Variants in SGSM1 observed in about 807,000 individuals in gnomAD.
The protein encoded by SGSM1 is RUN and TBC1 domain containing 2.
A neutral mutation model predicts 133.8 loss-of-function variants in SGSM1; 73 were observed. That is an observed-to-expected ratio of 0.55 (90% confidence interval 0.45 to 0.66). The LOEUF (loss-of-function observed/expected upper bound fraction) is 0.66, where lower values mean the gene tolerates loss of function less well. Among genes scored for constraint, SGSM1 ranks in the 30% least tolerant of loss-of-function variants. The probability of loss-of-function intolerance (pLI) is 0.00; values close to 1 mark genes in which losing one functional copy is unlikely to be tolerated. For synonymous variants in SGSM1, 563 were observed against 573.0 expected (o/e 0.98, Z 0.25); for missense variants, 1,213 against 1,448.1 (o/e 0.84, Z 2.64).
At chr22:24,923,935 T>C (rs1934101337) in intron 24 of SGSM1, among the ~76,000 whole-genome samples, 1 of 152,156 alleles carries the variant, frequency 6.6e-6, no homozygotes, top group African/African-American at 2.4e-5. Flanking sequence ...CTCACCTTTT[T>C]ATGGCACATC....
intron 12 of SGSM1, among the ~76,000 whole-genome samples, chr22:24,875,651 A>AAAAG (rs895473508): frequency 2.6e-5 from 4 of 152,066 alleles, no homozygotes; most frequent in Non-Finnish European, 5.9e-5. Context: ...GAAAAAAAAA[A>AAAAG]AAAGAAAGAA....
chr22:24,852,339 T>C (rs2147848199), intron 5 of SGSM1, among the ~76,000 whole-genome samples: 1 of 152,332 alleles, frequency 6.6e-6, no homozygotes, highest in East Asian at 1.9e-4. Context: ...CACATCACCA[T>C]CAGGATACAG....
chr22:24,868,619 T>C (rs901196394), intron 11 of SGSM1, 80 bp downstream of exon 11: 7 of 1,610,494 alleles, frequency 4.3e-6, no homozygotes, highest in Non-Finnish European at 5.9e-6. Context: ...TGTGCCCTTA[T>C]GTGGCTATGT....
At chr22:24,917,980 G>A (rs986286857) in intron 23 of SGSM1, among the ~76,000 whole-genome samples, 1 of 152,156 alleles carries the variant, frequency 6.6e-6, no homozygotes, top group Non-Finnish European at 1.5e-5. Context: ...AACCGAGGCT[G>A]AGAAGGGTTA....
chr22:24,863,728 CT>C (rs560085260), intron 9 of SGSM1, among the ~76,000 whole-genome samples: 15 of 149,542 alleles, frequency 1.0e-4, no homozygotes, highest in Non-Finnish European at 1.8e-4. Flanking sequence ...TGCAGGAGCT[CT>C]TTTTTTCTTC....
In SGSM1 at chr22:24,876,701, C is replaced by T; in HGVS notation, c.1416C>T (p.Gly472=). Residue 472 remains glycine, a synonymous_variant, in exon 13 of 25, where the codon GGC becomes GGT. Transcript: ENST00000400358. Reference sequence around the variant, plus strand: ...CGGCTGATGGTAGCTCGACCAATGGCTGCAACCATGAGAGGTATGAGGGGC... The same window carrying T: ...CGGCTGATGGTAGCTCGACCAATGGTTGCAACCATGAGAGGTATGAGGGGC... ...SGSADGSSTN[G]CNHERAPLKL... is the part of the protein sequence containing the mutation. The T allele has an allele frequency of 6.2e-7, 1 of 1,613,954 alleles. No individual in the cohort carries two copies. The highest frequency in any genetic ancestry group is 8.5e-7 in the Non-Finnish European group (1 of 1,179,874).
At chr22:24,914,270 G>A (rs1257596873) in intron 22 of SGSM1, among the ~76,000 whole-genome samples, 4 of 142,454 alleles carry the variant, frequency 2.8e-5, no homozygotes, top group African/African-American at 1.1e-4. Flanking sequence ...TCCAGCCTGG[G>A]CGACAGAGCA....
Position 24,876,619 on chromosome 22 carries a change from C to A in SGSM1, c.1334C>A (p.Ser445Tyr). ...GACGTCTCTGTAAGCAACCTCCCATCCCTGTGGCAGCCCAGTCCCCGGAAG... is the reference window on the plus strand; with the variant it reads ...GACGTCTCTGTAAGCAACCTCCCATACCTGTGGCAGCCCAGTCCCCGGAAG... The part of the protein sequence containing the change: ...LMDVSVSNLP[S>Y]LWQPSPRKSS... Residue 445 changes from serine to tyrosine, a missense_variant, in exon 13 of 25, where the codon TCC becomes TAC. Transcript: ENST00000400358. The A allele has an allele frequency of 2.5e-6, 4 of 1,614,042 alleles. No individual in the cohort carries two copies. The highest frequency in any genetic ancestry group is 3.4e-6 in the Non-Finnish European group (4 of 1,179,902).
chr22:24,888,206 G>GT (rs1276154548), intron 16 of SGSM1, among the ~76,000 whole-genome samples: 1 of 152,080 alleles, frequency 6.6e-6, no homozygotes, highest in Non-Finnish European at 1.5e-5. Flanking sequence ...ATGAAACTCA[G>GT]TTTATCAATT....
At chr22:24,815,992 A>G (rs1043864199) in intron 2 of SGSM1, among the ~76,000 whole-genome samples, 2 of 152,248 alleles carry the variant, frequency 1.3e-5, no homozygotes, top group South Asian at 2.1e-4. Context: ...AAAAGAAACC[A>G]TAAACATTAG....
intron 8 of SGSM1, chr22:24,855,982 T>C (rs1930762150): frequency 1.8e-6 from 1 of 554,556 alleles, no homozygotes; most frequent in Non-Finnish European, 3.4e-6. Context: ...TCCACCCATC[T>C]TTACATTCAC....
intron 12 of SGSM1, among the ~76,000 whole-genome samples, chr22:24,869,171 G>A (rs773645400): frequency 4.6e-5 from 7 of 152,100 alleles, no homozygotes; most frequent in Non-Finnish European, 8.8e-5. Flanking sequence ...TGTAAAATGG[G>A]CATGTTCATA....
chr22:24,845,515 G>A (rs1336897618), intron 3 of SGSM1, among the ~76,000 whole-genome samples: 1 of 152,236 alleles, frequency 6.6e-6, no homozygotes, highest in East Asian at 1.9e-4. Flanking sequence ...TAGAGATGGG[G>A]TCTGAGTGTC....
chr22:24,869,469 C>T (rs1389446053), intron 12 of SGSM1, among the ~76,000 whole-genome samples: 3 of 152,012 alleles, frequency 2.0e-5, no homozygotes, highest in South Asian at 2.1e-4. Context: ...TGCAGTAAGC[C>T]GTGATTATGT....
At chr22:24,905,330 C>A (rs921759277) in intron 21 of SGSM1, 143 bp downstream of exon 21, 19 of 785,542 alleles carry the variant, frequency 2.4e-5, no homozygotes, top group Middle Eastern at 3.0e-4. Context: ...ACATCAAGAT[C>A]CTAGTGAAAT....
At chr22:24,855,114 G>A in intron 6 of SGSM1, 51 bp downstream of exon 6, 1 of 1,585,966 alleles carries the variant, frequency 6.3e-7, no homozygotes, top group East Asian at 2.3e-5. Context: ...TCTTGAGTCT[G>A]AGGGGCACCT....
chr22:24,904,376 C>A (rs141188062), intron 20 of SGSM1, among the ~76,000 whole-genome samples: 1 of 151,922 alleles, frequency 6.6e-6, no homozygotes, highest in East Asian at 1.9e-4. Context: ...GTCAGGAGAT[C>A]GAGACCATCC....
chr22:24,889,349 C>T (rs1601958945), intron 16 of SGSM1, among the ~76,000 whole-genome samples: 1 of 151,880 alleles, frequency 6.6e-6, no homozygotes, highest in East Asian at 1.9e-4. Flanking sequence ...CCCCAACTTC[C>T]AACGGTTGGT....
At position 24,872,513 on chromosome 22, in the gene SGSM1, T is replaced by G. The variant is rs1021141245; in HGVS notation, c.1291+3658T>G. On this transcript the variant is annotated intron_variant, in intron 12 of 24. Coordinates refer to ENST00000400358, the MANE Select transcript of SGSM1 (RefSeq NM_001098497.3). ...GTTAAAAAAAAAAGTCTCAATAATT[T>G]TATATTGATTAGATGTTAAAATAGT... Among the ~76,000 whole-genome samples, 5 of 152,196 alleles carry G rather than the reference T, an allele frequency of 3.3e-5. No homozygotes were observed. The East Asian group carries it at 7.7e-4, about 23-fold the overall frequency.
Sources: allele counts gnomAD v4.1 joint callset (sites outside exome capture counted in the v4.1 genomes callset), GRCh38; gene constraint gnomAD v4.1.1; transcripts MANE v1.5; gene names NCBI Gene and HGNC (gene_info 2026-07-23, HGNC 2026-07-21).